PDE1C: variants seen among roughly 807,000 people sequenced by gnomAD.
PDE1C encodes dual specificity calcium/calmodulin-dependent 3',5'-cyclic nucleotide phosphodiesterase 1C.
A neutral mutation model predicts 93.1 loss-of-function variants in PDE1C; 62 were observed. The observed-to-expected ratio is 0.67, with a 90% CI of 0.54 to 0.82. The LOEUF is 0.82. PDE1C is among the 40% of genes least tolerant of loss of function. The pLI is 0.00. For missense variants in PDE1C, 742 were observed against 884.6 expected (o/e 0.84, Z 2.04); for synonymous variants, 325 against 310.1 (o/e 1.05, Z -0.50).
chr7:32,107,294 GAGGGAGGAAAGGAAGGAAAGAAGGA>G (rs1401428391), intron 3 of PDE1C, among the ~76,000 whole-genome samples: 1 of 148,232 alleles, frequency 6.7e-6, no homozygotes. Flanking sequence ...AGGAGGGAGG[GAGGGAGGAAAGGAAGGAAAGAAGGA>G]AGGGAGGGAG....
chr7:32,119,874 C>T (rs542395313), intron 3 of PDE1C, among the ~76,000 whole-genome samples: 1 of 152,324 alleles, frequency 6.6e-6, no homozygotes, highest in African/African-American at 2.4e-5. Flanking sequence ...CCAAGTTTCC[C>T]GGGGGAAGGG....
intron 2 of PDE1C, among the ~76,000 whole-genome samples, chr7:31,940,878 C>T (rs1805743778): frequency 6.6e-6 from 1 of 152,050 alleles, no homozygotes; most frequent in South Asian, 2.1e-4. Context: ...TCATTGCCAT[C>T]CTTGCCCCAT....
At chr7:32,425,735 G>C (rs918913667) in intron 1 of PDE1C, among the ~76,000 whole-genome samples, 3 of 152,024 alleles carry the variant, frequency 2.0e-5, no homozygotes, top group Admixed American at 2.0e-4. Context: ...TGAGCCCAAG[G>C]GTTCAAGACC....
chr7:31,771,924 T>TAGTC (rs1562766285), intron 17 of PDE1C, among the ~76,000 whole-genome samples: 1 of 151,668 alleles, frequency 6.6e-6, no homozygotes, highest in Non-Finnish European at 1.5e-5. Flanking sequence ...TGGGTGCCTG[T>TAGTC]AGTCCCAGCT....
At chr7:31,953,183 T>C (rs567989807) in intron 2 of PDE1C, among the ~76,000 whole-genome samples, 3 of 152,286 alleles carry the variant, frequency 2.0e-5, no homozygotes, top group East Asian at 3.9e-4. Flanking sequence ...TTACTAATTG[T>C]ATCTTTAACC....
intron 3 of PDE1C, among the ~76,000 whole-genome samples, chr7:32,097,437 G>C (rs1797811007): frequency 6.6e-6 from 1 of 152,186 alleles, no homozygotes; most frequent in African/African-American, 2.4e-5. Flanking sequence ...GGGCTCAGAT[G>C]CCTAAATAAC....
the PDE1C span, among the ~76,000 whole-genome samples, chr7:31,627,598 C>T: frequency 1.5e-3 from 202 of 133,612 alleles, no homozygotes; most frequent in African/African-American, 5.4e-3. Context: ...GTCATGGCTA[C>T]GCAGTAAGCT....
chr7:31,931,067 A>G (rs1354553156), intron 2 of PDE1C, among the ~76,000 whole-genome samples: 1 of 152,136 alleles, frequency 6.6e-6, no homozygotes, highest in Non-Finnish European at 1.5e-5. Context: ...TCAACAAACT[A>G]GGTATTGATG....
chr7:31,944,899 T>C (rs1415387324), intron 2 of PDE1C, among the ~76,000 whole-genome samples: 2 of 152,170 alleles, frequency 1.3e-5, no homozygotes, highest in Non-Finnish European at 1.5e-5. Context: ...CTTTTAATTT[T>C]AGAATAATTT....
At chr7:32,389,768 C>A (rs1183327326) in intron 1 of PDE1C, among the ~76,000 whole-genome samples, 1 of 152,204 alleles carries the variant, frequency 6.6e-6, no homozygotes, top group African/African-American at 2.4e-5. Flanking sequence ...AACATATTTT[C>A]ATTAATCTTC....
In PDE1C at chr7:31,978,514, G is replaced by T. The variant is rs1004404186; in HGVS notation, c.128+73040C>A. ...TGGGTCTTCTAACTCAGAAATTAGT[G>T]AAGGCAGCCCAGCTTTGCCAGAGAA... On this transcript the variant is annotated intron_variant, in intron 2 of 17. Coordinates refer to ENST00000396191, the MANE Select transcript of PDE1C (RefSeq NM_001191057.4). 2.6e-5 allele frequency among the ~76,000 whole-genome samples: 4 copies of T among 152,284 alleles called. No homozygotes were observed. In the South Asian group the frequency reaches 8.3e-4, roughly 32 times the overall value.
intron 9 of PDE1C, among the ~76,000 whole-genome samples, chr7:31,844,029 T>C (rs1262443922): frequency 6.6e-6 from 1 of 151,790 alleles, no homozygotes; most frequent in Non-Finnish European, 1.5e-5. Context: ...GGTCTTTATG[T>C]TATCATTGTC....
At chr7:32,036,914 T>TG (rs1791177008) in intron 2 of PDE1C, among the ~76,000 whole-genome samples, 1 of 152,002 alleles carries the variant, frequency 6.6e-6, no homozygotes, top group Admixed American at 6.6e-5. Context: ...GTGGGTGGGG[T>TG]GGGGGTCACA....
the PDE1C span, among the ~76,000 whole-genome samples, chr7:31,677,557 T>C: frequency 1.3e-5 from 2 of 152,120 alleles, no homozygotes; most frequent in African/African-American, 4.8e-5. Flanking sequence ...ATATTTTTTT[T>C]CTCCCCAGGT....
intron 1 of PDE1C, among the ~76,000 whole-genome samples, chr7:32,380,975 C>T (rs1784524335): frequency 6.6e-6 from 1 of 152,014 alleles, no homozygotes; most frequent in South Asian, 2.1e-4. Context: ...CTCCTGGCAA[C>T]CTCAGTTCGA....
intron 1 of PDE1C, among the ~76,000 whole-genome samples, chr7:32,293,921 C>T (rs1812483705): frequency 6.6e-6 from 1 of 152,202 alleles, no homozygotes; most frequent in Non-Finnish European, 1.5e-5. Flanking sequence ...ACAAAACACT[C>T]AGCTGAGAGA....
At chr7:31,635,264 G>A in the PDE1C span, among the ~76,000 whole-genome samples, 6 of 152,278 alleles carry the variant, frequency 3.9e-5, no homozygotes, top group Admixed American at 1.3e-4. Context: ...TAGTCTGGTT[G>A]TTGAGAAGGT....
chr7:32,397,618 A>C (rs1428161322), intron 1 of PDE1C, among the ~76,000 whole-genome samples: 1 of 152,256 alleles, frequency 6.6e-6, no homozygotes, highest in Non-Finnish European at 1.5e-5. Context: ...ACAAGGTTAT[A>C]CATTGCAACT....
chr7:32,093,416 C>T (rs751191285), intron 3 of PDE1C, among the ~76,000 whole-genome samples: 67 of 152,238 alleles, frequency 4.4e-4, no homozygotes, highest in Non-Finnish European at 7.2e-4. Context: ...TCAACTGCAT[C>T]TCCTGCTTTG....
Sources: gnomAD v4.1 joint callset for allele counts (sites outside exome capture counted in the v4.1 genomes callset) on GRCh38, gnomAD v4.1.1 for gene constraint, MANE v1.5 for transcripts, NCBI Gene and HGNC (gene_info 2026-07-23, HGNC 2026-07-21) for gene names.